GPHN: variants seen among roughly 807,000 people sequenced by gnomAD.
GPHN encodes the protein gephyrin.
Under a neutral mutation model 95.5 loss-of-function variants are expected in GPHN, and 17 were observed. The observed-to-expected ratio is 0.18, with a 90% CI of 0.12 to 0.27. The LOEUF is 0.27. GPHN is among the 10% of genes least tolerant of loss of function. The pLI is 1.00. For synonymous variants in GPHN, 320 were observed against 322.5 expected, an observed-to-expected ratio of 0.99 and a Z score of 0.08; for missense variants, 660 against 978.1, an observed-to-expected ratio of 0.67 and a Z score of 4.34.
chr14:67,198,674 T>A, the GPHN span, among the ~76,000 whole-genome samples: 1 of 152,220 alleles, frequency 6.6e-6, no homozygotes, highest in African/African-American at 2.4e-5. Flanking sequence ...AGAACATCTA[T>A]GACTAGGGAT....
intron 19 of GPHN, among the ~76,000 whole-genome samples, chr14:67,162,793 A>T (rs1169928988): frequency 2.0e-5 from 3 of 152,230 alleles, no homozygotes; most frequent in Non-Finnish European, 2.9e-5. Flanking sequence ...AACGCTACAT[A>T]ACCATCCTGT....
intron 2 of GPHN, among the ~76,000 whole-genome samples, chr14:66,700,490 A>AT (rs2068453824): frequency 6.6e-6 from 1 of 152,120 alleles, no homozygotes; most frequent in Non-Finnish European, 1.5e-5. Context: ...TCTAATTTAA[A>AT]TTTGTATTTT....
chr14:66,828,689 A>G (rs927342494), intron 4 of GPHN, among the ~76,000 whole-genome samples: 1 of 152,130 alleles, frequency 6.6e-6, no homozygotes, highest in Non-Finnish European at 1.5e-5. Flanking sequence ...AAAATGATGA[A>G]TAGGATGAAT....
chr14:67,153,384 GT>G (rs1350037183), intron 18 of GPHN, among the ~76,000 whole-genome samples: 1 of 152,178 alleles, frequency 6.6e-6, no homozygotes, highest in Non-Finnish European at 1.5e-5. Flanking sequence ...ATGGGTTCTG[GT>G]GAGGGCCCTC....
intron 2 of GPHN, among the ~76,000 whole-genome samples, chr14:66,704,544 C>A (rs1006784830): frequency 9.2e-5 from 14 of 152,024 alleles, no homozygotes; most frequent in Non-Finnish European, 1.5e-5. Flanking sequence ...GGTTGAACAA[C>A]CTGCTCCAGA....
chr14:66,824,817 T>C (rs562431955), intron 4 of GPHN, among the ~76,000 whole-genome samples: 79 of 152,302 alleles, frequency 5.2e-4, no homozygotes, highest in African/African-American at 1.7e-3. Flanking sequence ...TGTCATTTTC[T>C]TGATGTCAGC....
At chr14:66,737,441 T>G (rs537844675) in intron 2 of GPHN, among the ~76,000 whole-genome samples, 15 of 152,230 alleles carry the variant, frequency 9.9e-5, no homozygotes, top group African/African-American at 3.6e-4. Flanking sequence ...CCCTTTTTCT[T>G]TTTTTTTCTT....
At chr14:67,563,435 G>T in the GPHN span, among the ~76,000 whole-genome samples, 219 of 151,150 alleles carry the variant, frequency 1.4e-3, 1 homozygote, top group African/African-American at 5.0e-3. Context: ...TCTTTTTTTT[G>T]GGGGGTGGGG....
intron 1 of GPHN, among the ~76,000 whole-genome samples, chr14:66,584,672 T>G (rs956610452): frequency 2.6e-5 from 4 of 152,310 alleles, no homozygotes; most frequent in African/African-American, 4.8e-5. Context: ...TTGGTTTTGT[T>G]TATATGCTGG....
intron 11 of GPHN, among the ~76,000 whole-genome samples, chr14:67,085,517 A>G (rs2153665651): frequency 1.3e-5 from 2 of 152,170 alleles, no homozygotes; most frequent in East Asian, 3.9e-4. Flanking sequence ...CTGTCTTTCA[A>G]ACTTAGCATA....
the GPHN span, chr14:67,646,991 G>T: frequency 6.2e-7 from 1 of 1,612,838 alleles, no homozygotes; most frequent in African/African-American, 1.3e-5. Flanking sequence ...TATCCAGAAG[G>T]TCATGGAACG....
rs144111630 is a variant in GPHN, at chr14:67,072,330, T to C, written c.1144+13544T>C. On this transcript the variant is annotated intron_variant, in intron 11 of 22. Transcript: ENST00000478722. Reference sequence around the variant, plus strand: ...GTTTTATTGGTGGAATTATGAAAATTAGTGAAAATTAAAAGAGAAAACCTT... The same window carrying C: ...GTTTTATTGGTGGAATTATGAAAATCAGTGAAAATTAAAAGAGAAAACCTT... Among the ~76,000 whole-genome samples the C allele has an allele frequency of 2.9e-4, 44 of 152,242 alleles. No individual in the cohort carries two copies. In the East Asian group the frequency reaches 8.3e-3, roughly 29 times the overall value.
chr14:66,584,383 T>G (rs1030762485), intron 1 of GPHN, among the ~76,000 whole-genome samples: 1 of 152,218 alleles, frequency 6.6e-6, no homozygotes, highest in Non-Finnish European at 1.5e-5. Context: ...CTTTATTTCC[T>G]TCTCCTGCCT....
At chr14:67,023,514 C>G in intron 9 of GPHN, 119 bp from the exon 10 acceptor site, 1 of 711,746 alleles carries the variant, frequency 1.4e-6, no homozygotes, top group Non-Finnish European at 2.6e-6. Flanking sequence ...GTTATGACAT[C>G]TGAAATACTA....
chr14:66,757,753 CTT>C (rs2058616846), intron 2 of GPHN, among the ~76,000 whole-genome samples: 1 of 152,084 alleles, frequency 6.6e-6, no homozygotes, highest in Admixed American at 6.5e-5. Context: ...GGGAGGAAAA[CTT>C]TTTACTGTAT....
At chr14:66,929,962 C>T (rs539454375) in intron 8 of GPHN, among the ~76,000 whole-genome samples, 81 of 152,262 alleles carry the variant, frequency 5.3e-4, no homozygotes, top group African/African-American at 1.7e-3. Flanking sequence ...CCGCCCGCCT[C>T]GGCCTCCCAA....
At chr14:67,632,539 G>T in the GPHN span, among the ~76,000 whole-genome samples, 1 of 152,060 alleles carries the variant, frequency 6.6e-6, no homozygotes, top group Admixed American at 6.6e-5. Flanking sequence ...TTGGAGCAAG[G>T]TGCCCACCAT....
At chr14:66,625,137 G>A (rs12100691) in intron 1 of GPHN, among the ~76,000 whole-genome samples, 46,940 of 151,634 alleles carry the variant, frequency 0.31, 11,050 homozygotes, top group African/African-American at 0.63. Flanking sequence ...TTGCAGTGCC[G>A]TGGTACGAGA....
intron 9 of GPHN, among the ~76,000 whole-genome samples, chr14:66,989,370 A>C (rs2071245824): frequency 6.6e-6 from 1 of 152,022 alleles, no homozygotes; most frequent in Non-Finnish European, 1.5e-5. Context: ...CAGTCATGAG[A>C]AGTAATTTTT....
Sources: allele counts gnomAD v4.1 joint callset (sites outside exome capture counted in the v4.1 genomes callset), GRCh38; gene constraint gnomAD v4.1.1; transcripts MANE v1.5; gene names NCBI Gene and HGNC (gene_info 2026-07-23, HGNC 2026-07-21).